The following RBM27 variants were observed in gnomAD, a reference collection of about 807,000 sequenced individuals.
RBM27 encodes the protein RNA-binding protein 27.
Under a neutral mutation model 135.3 loss-of-function variants are expected in RBM27, and 22 were observed. The observed-to-expected ratio is 0.16, with a 90% CI of 0.12 to 0.23. The LOEUF is 0.23. Ranked by LOEUF, RBM27 falls within the 10% of genes least tolerant of loss-of-function variation. The pLI, the probability that RBM27 is intolerant of heterozygous loss-of-function variation, is 1.00. For missense variants in RBM27, 1,009 were observed against 1,281.0 expected (o/e 0.79, Z 3.24); for synonymous variants, 481 against 442.4 (o/e 1.09, Z -1.10).
chr5:146,258,191 C>G (rs373955027), intron 10 of RBM27, among the ~76,000 whole-genome samples: 1 of 152,098 alleles, frequency 6.6e-6, no homozygotes, highest in Admixed American at 6.5e-5. Context: ...TTCCAGCAAC[C>G]TTTCACCAAT....
chr5:146,224,634 A>T (rs1414287436), intron 3 of RBM27, among the ~76,000 whole-genome samples: 2 of 152,060 alleles, frequency 1.3e-5, no homozygotes, highest in Non-Finnish European at 2.9e-5. Context: ...GTGAGCCGAG[A>T]TCATACTGTT....
chr5:146,211,326 T>C (rs368082382), intron 1 of RBM27, among the ~76,000 whole-genome samples: 4 of 152,034 alleles, frequency 2.6e-5, no homozygotes, highest in Admixed American at 1.3e-4. Flanking sequence ...TATTTTGTTA[T>C]AGTAGCCCAA....
rs565041041 is a variant in RBM27 at position 146,220,367 on chromosome 5, C to T, written c.178+1264C>T. On this transcript the variant is annotated intron_variant, in intron 2 of 20. Transcript: ENST00000265271. ...GCGTGTGCCTGTAGTCCCAGCTACT[C>T]GGGAGGCTGAGGCAGGAGAATTTCT... Among the ~76,000 whole-genome samples the T allele has an allele frequency of 2.5e-4, 38 of 151,196 alleles. No individual in the cohort carries two copies. The South Asian group carries it at 7.3e-3, about 29-fold the overall frequency.
In RBM27 at chr5:146,203,738, C is replaced by T. The variant is rs1755486514; in HGVS notation, c.-28C>T. The T allele has an allele frequency of 3.2e-6, 5 of 1,546,174 alleles. No individual in the cohort carries two copies. The highest frequency in any genetic ancestry group is 4.4e-6 in the Non-Finnish European group (5 of 1,143,684). ...GACCCACGGCAGGCCTGAAGAAGAG[C>T]GGCGGCCGAGCCCGCCTTCCCTGCA... On this transcript the variant is annotated 5_prime_UTR_variant, in exon 1 of 21. Transcript: ENST00000265271.
At chr5:146,260,688 CT>C in intron 11 of RBM27, 56 bp from the exon 12 acceptor site, 3 of 1,442,490 alleles carry the variant, frequency 2.1e-6, no homozygotes, top group Non-Finnish European at 2.8e-6. Flanking sequence ...GTGGTTATAT[CT>C]CTTTGCTAGG....
At position 146,228,761 on chromosome 5, in the gene RBM27, T is replaced by A. The variant is rs184542691; in HGVS notation, c.304-185T>A. Among the ~76,000 whole-genome samples the A allele has an allele frequency of 5.6e-4, 85 of 152,190 alleles. 1 individual carries two copies. In the East Asian group the frequency reaches 0.013, roughly 24 times the overall value. On this transcript the variant is annotated intron_variant, in intron 3 of 20. Coordinates refer to ENST00000265271, the MANE Select transcript of RBM27 (RefSeq NM_018989.2). ...GACTACATACAGGTGCATCCCACCA[T>A]GCCCAGCTAACTTATTTTATTTATT...
At chr5:146,219,511 C>T (rs189819547) in intron 2 of RBM27, among the ~76,000 whole-genome samples, 1 of 152,168 alleles carries the variant, frequency 6.6e-6, no homozygotes, top group Non-Finnish European at 1.5e-5. Context: ...GTATGATCCT[C>T]TTCTCTTTGT....
At chr5:146,211,995 G>A (rs1755979686) in intron 1 of RBM27, among the ~76,000 whole-genome samples, 1 of 152,050 alleles carries the variant, frequency 6.6e-6, no homozygotes, top group Non-Finnish European at 1.5e-5. Context: ...CATTACATCA[G>A]AAGCATTTTT....
Position 146,230,780 on chromosome 5 carries a change from G to T in RBM27, c.713G>T (p.Ser238Ile), listed in dbSNP as rs370211641. The T allele has an allele frequency of 1.2e-6, 2 of 1,613,946 alleles. No homozygotes were observed. The highest frequency in any genetic ancestry group is 1.7e-6 in the Non-Finnish European group (2 of 1,179,968). Reference sequence around the variant, plus strand: ...TCCTCTGGGGCACAGTCTATTCCCAGCACTGTTACTGTGATCGCACCTGCT... The same window carrying T: ...TCCTCTGGGGCACAGTCTATTCCCATCACTGTTACTGTGATCGCACCTGCT... ...QYSSGAQSIP[S>I]TVTVIAPAHH... The change falls in exon 6 of 21, where the codon AGC becomes ATC. Residue 238 changes from serine to isoleucine, a missense_variant. Coordinates refer to ENST00000265271, the MANE Select transcript of RBM27 (RefSeq NM_018989.2).
chr5:146,224,285 A>T (rs968585584), intron 3 of RBM27, among the ~76,000 whole-genome samples: 1 of 152,210 alleles, frequency 6.6e-6, no homozygotes, highest in Admixed American at 6.5e-5. Flanking sequence ...CCTGGCACAT[A>T]AATGTTGGTT....
chr5:146,218,823 C>T (rs906353225), intron 1 of RBM27, among the ~76,000 whole-genome samples, 162 bp from the exon 2 acceptor site: 5 of 152,140 alleles, frequency 3.3e-5, no homozygotes, highest in African/African-American at 1.2e-4. Flanking sequence ...GAAAATCTCG[C>T]AGTATGTATA....
At chr5:146,284,529 C>T in intron 19 of RBM27, 93 bp from the exon 20 acceptor site, 1 of 804,980 alleles carries the variant, frequency 1.2e-6, no homozygotes, top group Non-Finnish European at 2.2e-6. Flanking sequence ...TTCTCTCCTG[C>T]CCTATGTTAT....
At chr5:146,236,699 C>T (rs1421347258) in intron 7 of RBM27, among the ~76,000 whole-genome samples, 2 of 152,030 alleles carry the variant, frequency 1.3e-5, no homozygotes, top group Non-Finnish European at 2.9e-5. Flanking sequence ...TTTCGGCTCA[C>T]TGCAGCCTCC....
Position 146,288,388 on chromosome 5 carries a change from A to T in RBM27, c.*2358A>T, listed in dbSNP as rs1370115984. The stretch of plus-strand genomic sequence containing the variant: ...CAGTACACCTTAAACAGGACTAAAA[A>T]TACTTTAAAAGTGTGCTTTCAAAGA... On this transcript the variant is annotated 3_prime_UTR_variant, in exon 21 of 21. Transcript: ENST00000265271. 1 of 152,136 alleles carries T rather than the reference A, an allele frequency of 6.6e-6. No homozygotes were observed. The highest frequency in any genetic ancestry group is 1.5e-5 in the Non-Finnish European group (1 of 67,968). 9.4% of individuals were successfully genotyped at this position (152,136 alleles called of 1,614,324 possible). A position where few individuals can be genotyped will look rare whatever the true frequency, so the allele number is the denominator to read the frequency against.
intron 8 of RBM27, among the ~76,000 whole-genome samples, chr5:146,237,926 G>A (rs547871865): frequency 1.3e-4 from 20 of 152,236 alleles, no homozygotes; most frequent in African/African-American, 4.1e-4. Flanking sequence ...GACCTCAGGT[G>A]ATCTACCTGC....
chr5:146,212,308 C>A (rs998080528), intron 1 of RBM27, among the ~76,000 whole-genome samples: 1 of 151,726 alleles, frequency 6.6e-6, no homozygotes, highest in Admixed American at 6.6e-5. Context: ...CCCGCCTTGG[C>A]CTCCCAAAGT....
chr5:146,243,178 A>G (rs1025944165), intron 8 of RBM27, among the ~76,000 whole-genome samples: 2 of 152,142 alleles, frequency 1.3e-5, no homozygotes, highest in African/African-American at 2.4e-5. Flanking sequence ...AGGCCAGAGA[A>G]TCACTTGAGC....
chr5:146,237,015 C>T (rs895786638), intron 7 of RBM27, among the ~76,000 whole-genome samples: 11 of 148,916 alleles, frequency 7.4e-5, no homozygotes, highest in Non-Finnish European at 1.3e-4. Flanking sequence ...CTCGGCTCAC[C>T]GCAACCTCCG....
At chr5:146,278,991 G>T (rs968322947) in intron 19 of RBM27, among the ~76,000 whole-genome samples, 4 of 151,876 alleles carry the variant, frequency 2.6e-5, no homozygotes, top group African/African-American at 9.7e-5. Context: ...AAAGTGCTGG[G>T]ATTACAGGCA....
Sources: allele counts gnomAD v4.1 joint callset (sites outside exome capture counted in the v4.1 genomes callset), GRCh38; gene constraint gnomAD v4.1.1; transcripts MANE v1.5; gene names NCBI Gene and HGNC (gene_info 2026-07-23, HGNC 2026-07-21).